The following ZNF33B variants were observed in gnomAD, a reference collection of about 807,000 sequenced individuals.
The protein encoded by ZNF33B is zinc finger protein 11b (KOX 2).
ZNF33B carries 29 observed loss-of-function variants against 45.8 expected under a neutral mutation model. The observed-to-expected ratio is 0.63, with a 90% confidence interval of 0.47 to 0.86. The LOEUF (loss-of-function observed/expected upper bound fraction) is 0.86. Ranked by LOEUF, ZNF33B falls within the 40% of genes least tolerant of loss-of-function variation. The pLI, the probability that ZNF33B is intolerant of heterozygous loss-of-function variation, is 0.00. For synonymous variants in ZNF33B, 305 were observed against 307.8 expected, an observed-to-expected ratio of 0.99 and a Z score of 0.10; for missense variants, 831 against 909.9, an observed-to-expected ratio of 0.91 and a Z score of 1.12.
intron 4 of ZNF33B, among the ~76,000 whole-genome samples, chr10:42,630,065 A>C (rs562302870): frequency 5.3e-4 from 80 of 152,022 alleles, no homozygotes; most frequent in Non-Finnish European, 1.0e-3. Context: ...ATTTATCCCC[A>C]TTTTTGCCAA....
chr10:42,588,265 C>G (rs1836977683), downstream of ZNF33B, among the ~76,000 whole-genome samples: 1 of 152,164 alleles, frequency 6.6e-6, no homozygotes, highest in South Asian at 2.1e-4. Context: ...GTCCTGCACA[C>G]AAGAGCATTT....
In ZNF33B at chr10:42,577,006, G is replaced by A. The variant is rs571626121; in HGVS notation, c.74-2328C>T. On this transcript the variant is annotated intron_variant, in intron 1 of 1. Transcript: ENST00000462075. ...AAACTAGCCAGCTGTGGTGGCAGGC[G>A]CCTGTAGTCCTAGCTACTCAGGAGG... Among the ~76,000 whole-genome samples the A allele has an allele frequency of 1.4e-4, 22 of 152,058 alleles. No homozygotes were observed. The East Asian group carries it at 2.5e-3, about 17-fold the overall frequency.
intron 4 of ZNF33B, among the ~76,000 whole-genome samples, chr10:42,601,845 G>A (rs1837635839): frequency 1.4e-5 from 2 of 147,950 alleles, no homozygotes; most frequent in Non-Finnish European, 1.5e-5. Context: ...GTGTTTTTAA[G>A]TTCAATAATC....
chr10:42,580,831 T>C (rs958063303), intron 1 of ZNF33B, among the ~76,000 whole-genome samples: 5 of 151,374 alleles, frequency 3.3e-5, no homozygotes, highest in African/African-American at 1.2e-4. Flanking sequence ...GAGGCAGAGG[T>C]TGCAGTGAGC....
chr10:42,594,761 T>C (rs927311262), intron 4 of ZNF33B, 62 bp from the exon 5 acceptor site: 33 of 1,494,694 alleles, frequency 2.2e-5, no homozygotes, highest in Non-Finnish European at 2.8e-5. Flanking sequence ...GGGAATGAAA[T>C]CTCTACACAA....
At chr10:42,622,240 AT>A (rs1044422860) in intron 4 of ZNF33B, among the ~76,000 whole-genome samples, 8 of 152,358 alleles carry the variant, frequency 5.3e-5, no homozygotes, top group African/African-American at 1.9e-4. Context: ...GAGATGTCAT[AT>A]TTTTAAAAGG....
intron 4 of ZNF33B, among the ~76,000 whole-genome samples, chr10:42,619,793 T>C (rs1838490717): frequency 6.6e-6 from 1 of 152,184 alleles, no homozygotes; most frequent in Admixed American, 6.5e-5. Flanking sequence ...AGGGAATCAA[T>C]TTAAACTAGA....
downstream of ZNF33B, among the ~76,000 whole-genome samples, chr10:42,588,735 T>C (rs895857259): frequency 2.6e-5 from 4 of 152,148 alleles, no homozygotes; most frequent in African/African-American, 9.7e-5. Flanking sequence ...GACCACTGTT[T>C]GCTGTGGGAG....
intron 1 of ZNF33B, among the ~76,000 whole-genome samples, 151 bp from the exon 2 acceptor site, chr10:42,637,123 G>A (rs1388431196): frequency 2.0e-5 from 3 of 152,160 alleles, no homozygotes; most frequent in Non-Finnish European, 4.4e-5. Context: ...GGAATAGGGG[G>A]TAGAAATGGT....
At chr10:42,597,501 C>CCAG (rs1564502455) in intron 4 of ZNF33B, among the ~76,000 whole-genome samples, 1 of 151,990 alleles carries the variant, frequency 6.6e-6, no homozygotes, top group Non-Finnish European at 1.5e-5. Flanking sequence ...ACTCTTTTTG[C>CCAG]AAATTCATTT....
In ZNF33B at chr10:42,594,357, T is replaced by C. The variant is rs1473128536; in HGVS notation, c.593A>G (p.Asn198Ser). ...AGTGTTCTCACGATGACTCAGAGTGTTCCTATTTTTCAAAACTTCATTTTT... is the reference window on the plus strand; with the variant it reads ...AGTGTTCTCACGATGACTCAGAGTGCTCCTATTTTTCAAAACTTCATTTTT... Reference protein sequence around the residue: ...REKNEVLKNRNTLSHRENTLQ... With the variant: ...REKNEVLKNRSTLSHRENTLQ... Residue 198 changes from asparagine to serine, a missense_variant, in exon 5 of 5, where the codon AAC becomes AGC. By Grantham distance (46) the Asn-to-Ser change is conservative. Transcript: ENST00000359467. The C allele has an allele frequency of 2.5e-6, 4 of 1,613,914 alleles. No homozygotes were observed. The highest frequency in any genetic ancestry group is 2.5e-6 in the Non-Finnish European group (3 of 1,179,880).
chr10:42,635,047 G>C (rs538763641), intron 2 of ZNF33B, among the ~76,000 whole-genome samples: 1 of 152,264 alleles, frequency 6.6e-6, no homozygotes, highest in South Asian at 2.1e-4. Flanking sequence ...AGGAGTTTGA[G>C]ACCAGCCTGG....
At chr10:42,580,422 G>C (rs1836807036) in intron 1 of ZNF33B, among the ~76,000 whole-genome samples, 1 of 151,914 alleles carries the variant, frequency 6.6e-6, no homozygotes, top group Non-Finnish European at 1.5e-5. Context: ...ATTTTTAGTA[G>C]AGATGGGGTT....
intron 1 of ZNF33B, among the ~76,000 whole-genome samples, chr10:42,574,839 T>TA (rs750970896): frequency 4.6e-5 from 7 of 152,210 alleles, no homozygotes; most frequent in Non-Finnish European, 7.3e-5. Flanking sequence ...GTGGAAAAGA[T>TA]AACACCTTTT....
chr10:42,577,962 G>C (rs888108504), intron 1 of ZNF33B, among the ~76,000 whole-genome samples: 1 of 152,146 alleles, frequency 6.6e-6, no homozygotes, highest in Admixed American at 6.5e-5. Flanking sequence ...GAGTGGGCAG[G>C]GGTCCTGGCC....
At chr10:42,581,313 A>G (rs1423193108) in intron 1 of ZNF33B, among the ~76,000 whole-genome samples, 2 of 151,744 alleles carry the variant, frequency 1.3e-5, no homozygotes, top group Non-Finnish European at 2.9e-5. Context: ...AAAATACAAA[A>G]ATTAGCCAGG....
chr10:42,629,209 A>G (rs558784203), intron 4 of ZNF33B, among the ~76,000 whole-genome samples: 35 of 152,188 alleles, frequency 2.3e-4, no homozygotes, highest in African/African-American at 8.2e-4. Context: ...GCATGTTCTC[A>G]CTTATTTGTG....
intron 4 of ZNF33B, among the ~76,000 whole-genome samples, chr10:42,631,451 C>T (rs1839050375): frequency 6.6e-6 from 1 of 152,148 alleles, no homozygotes; most frequent in Non-Finnish European, 1.5e-5. Flanking sequence ...GTGATCTGCT[C>T]ACCTCGACCT....
chr10:42,632,780 GTTAGCTCTGCTTTGAGT>G (rs2099909569), intron 2 of ZNF33B: 2 of 274,350 alleles, frequency 7.3e-6, no homozygotes, highest in African/African-American at 2.3e-5. Flanking sequence ...TAGGAGCAAA[GTTAGCTCTGCTTTGAGT>G]TTCACTGAGG....
Sources: allele counts gnomAD v4.1 joint callset (sites outside exome capture counted in the v4.1 genomes callset), GRCh38; gene constraint gnomAD v4.1.1; transcripts MANE v1.5; gene names NCBI Gene and HGNC (gene_info 2026-07-23, HGNC 2026-07-21).